The following TENM1 variants were observed in gnomAD, a reference collection of about 807,000 sequenced individuals.
TENM1 encodes teneurin-1.
A neutral mutation model predicts 174.8 loss-of-function variants in TENM1; 35 were observed. The observed-to-expected ratio is 0.20, with a 90% CI of 0.15 to 0.27. The LOEUF (loss-of-function observed/expected upper bound fraction) is 0.27. Ranked by LOEUF, TENM1 falls within the 10% of genes least tolerant of loss-of-function variation. The probability of loss-of-function intolerance (pLI) is 1.00; values close to 1 mark genes in which losing one functional copy is unlikely to be tolerated. For missense variants in TENM1, 1,633 were observed against 2,130.1 expected (o/e 0.77, Z 4.59); for synonymous variants, 781 against 798.7 (o/e 0.98, Z 0.37).
chrX:125,182,066 T>A, the TENM1 span, among the ~76,000 whole-genome samples: 3 of 110,789 alleles, frequency 2.7e-5, no homozygotes, highest in Non-Finnish European at 5.7e-5. Context: ...TCTTGATAGG[T>A]TAAAATCAGG....
At chrX:124,976,802 G>T in the TENM1 span, among the ~76,000 whole-genome samples, 1 of 111,690 alleles carries the variant, frequency 9.0e-6, no homozygotes, top group Non-Finnish European at 1.9e-5. Flanking sequence ...ACTTGATGTT[G>T]TTGGGTCAAT....
chrX:125,160,984 C>T, the TENM1 span, among the ~76,000 whole-genome samples: 1 of 85,111 alleles, frequency 1.2e-5, no homozygotes. Flanking sequence ...CATACTTGTA[C>T]ATAAATATTC....
chrX:124,973,078 G>A, the TENM1 span, among the ~76,000 whole-genome samples: 2 of 112,146 alleles, frequency 1.8e-5, no homozygotes, highest in Non-Finnish European at 3.8e-5. Context: ...GTTAATTTTT[G>A]TATAAGGTGT....
the TENM1 span, among the ~76,000 whole-genome samples, chrX:125,158,626 CTAGT>C: frequency 9.1e-6 from 1 of 109,825 alleles, no homozygotes; most frequent in Non-Finnish European, 1.9e-5. Context: ...GGATGGTATA[CTAGT>C]ACTAACTAGA....
At chrX:124,676,257 AATATATATATATAT>A (rs56962688) in intron 5 of TENM1, among the ~76,000 whole-genome samples, 294 of 22,924 alleles carry the variant, frequency 0.013, 13 homozygotes, top group East Asian at 0.02. Context: ...ACATATATAA[AATATATATATATAT>A]ATATATATAT....
intron 1 of TENM1, among the ~76,000 whole-genome samples, chrX:124,957,089 A>T (rs1161195101): frequency 1.8e-5 from 2 of 112,011 alleles, no homozygotes; most frequent in Admixed American, 1.9e-4. Context: ...ACTAGGGTAC[A>T]TTTATTTCAA....
At chrX:125,193,755 A>G in the TENM1 span, among the ~76,000 whole-genome samples, 2 of 110,629 alleles carry the variant, frequency 1.8e-5, no homozygotes, top group Admixed American at 9.7e-5. Flanking sequence ...GATGACACCC[A>G]GATCTCTAAT....
At chrX:125,109,188 C>T in the TENM1 span, among the ~76,000 whole-genome samples, 1 of 97,919 alleles carries the variant, frequency 1.0e-5, no homozygotes, top group African/African-American at 5.7e-5. Flanking sequence ...CACACACTTA[C>T]ACACACAGAC....
chrX:124,385,957 T>G (rs1272200289), exon 29 of TENM1: 2 of 1,210,442 alleles, frequency 1.7e-6, no homozygotes, highest in Admixed American at 4.3e-5. Context: ...AAAGCATGGT[T>G]TGTAAGCTGT....
At chrX:125,072,578 C>T in the TENM1 span, among the ~76,000 whole-genome samples, 3 of 111,610 alleles carry the variant, frequency 2.7e-5, no homozygotes, top group Admixed American at 9.6e-5. Context: ...GACTATAATA[C>T]TCAAAGTTTT....
intron 5 of TENM1, among the ~76,000 whole-genome samples, chrX:124,690,045 C>T (rs1316829171): frequency 1.8e-5 from 2 of 111,449 alleles, no homozygotes; most frequent in Non-Finnish European, 3.8e-5. Context: ...ATAAAGGGAC[C>T]TACATGAGTT....
At chrX:125,064,007 G>A in the TENM1 span, among the ~76,000 whole-genome samples, 2 of 111,181 alleles carry the variant, frequency 1.8e-5, no homozygotes, top group Non-Finnish European at 3.8e-5. Context: ...CATGTCCTTT[G>A]TAGGGGCATG....
chrX:125,175,286 T>C, the TENM1 span, among the ~76,000 whole-genome samples: 6 of 111,411 alleles, frequency 5.4e-5, no homozygotes, highest in Admixed American at 5.7e-4. Flanking sequence ...GAAGAAAGCA[T>C]ATTCACCCTT....
At chrX:125,176,426 G>A in the TENM1 span, among the ~76,000 whole-genome samples, 53,847 of 109,931 alleles carry the variant, frequency 0.49, 9,654 homozygotes, top group Admixed American at 0.57. Flanking sequence ...ATGATTAAGC[G>A]AAGATTTCCT....
At chrX:124,698,498 A>G (rs939116852) in intron 5 of TENM1, among the ~76,000 whole-genome samples, 5 of 111,254 alleles carry the variant, frequency 4.5e-5, no homozygotes, top group Non-Finnish European at 9.5e-5. Context: ...TATTACTAAT[A>G]TAGTCTTCTA....
intron 20 of TENM1, among the ~76,000 whole-genome samples, chrX:124,494,608 C>T (rs2147971448): frequency 9.2e-6 from 1 of 109,282 alleles, no homozygotes; most frequent in East Asian, 2.9e-4. Flanking sequence ...GTGCGCTGCA[C>T]CCACTAACTC....
the TENM1 span, among the ~76,000 whole-genome samples, chrX:125,024,366 GCACACACACACACACACAC>G: frequency 2.9e-5 from 3 of 103,280 alleles, no homozygotes; most frequent in South Asian, 4.2e-4. Flanking sequence ...ACATACATAT[GCACACACACACACACACAC>G]CACACACACA....
the TENM1 span, among the ~76,000 whole-genome samples, chrX:125,013,805 T>G: frequency 8.9e-6 from 1 of 112,104 alleles, no homozygotes; most frequent in Non-Finnish European, 1.9e-5. Flanking sequence ...GGCAACAGCC[T>G]AACCAGATTA....
At chrX:125,201,397 T>C in the TENM1 span, among the ~76,000 whole-genome samples, 1 of 112,655 alleles carries the variant, frequency 8.9e-6, no homozygotes, top group Non-Finnish European at 1.9e-5. Flanking sequence ...ACAATGATTC[T>C]ACAAAGCATT....
Sources: allele counts gnomAD v4.1 joint callset (sites outside exome capture counted in the v4.1 genomes callset), GRCh38; gene constraint gnomAD v4.1.1; transcripts MANE v1.5; gene names NCBI Gene and HGNC (gene_info 2026-07-23, HGNC 2026-07-21).